The following VRK1 variants were observed in gnomAD, a reference collection of about 807,000 sequenced individuals.
VRK1 encodes serine/threonine-protein kinase VRK1.
VRK1 carries 33 observed loss-of-function variants against 57.1 expected under a neutral mutation model. That is an observed-to-expected ratio of 0.58 (90% CI 0.44 to 0.77). The LOEUF is 0.77. Among genes scored for constraint, VRK1 ranks in the 30% least tolerant of loss-of-function variants. VRK1 has a pLI of 0.00. For missense variants in VRK1, 413 were observed against 477.3 expected (o/e 0.87, Z 1.25); for synonymous variants, 137 against 147.8 (o/e 0.93, Z 0.53).
rs889307864 is a variant in VRK1 at position 96,881,518 on chromosome 14, T to A, written c.*310T>A. On this transcript the variant is annotated 3_prime_UTR_variant, in exon 13 of 13. Transcript: ENST00000216639. ...CGCACTTTTCTAATCATTGTACATTTCTCAGAGTGGATAAAAATGTTTGAC... is the reference window on the plus strand; with the variant it reads ...CGCACTTTTCTAATCATTGTACATTACTCAGAGTGGATAAAAATGTTTGAC... 8.4e-6 allele frequency: 2 copies of A among 239,106 alleles called. No individual in the cohort carries two copies. Among genetic ancestry groups the A allele is most frequent in the African/African-American group, 4.5e-5 (2 of 44,260 alleles). 14.8% of individuals were successfully genotyped at this position (239,106 alleles called of 1,614,324 possible).
At chr14:96,865,520 A>T (rs1410478911) in intron 11 of VRK1, among the ~76,000 whole-genome samples, 1 of 152,162 alleles carries the variant, frequency 6.6e-6, no homozygotes, top group Non-Finnish European at 1.5e-5. Flanking sequence ...GAATTTACAT[A>T]CAAATTTTAG....
intron 1 of VRK1, among the ~76,000 whole-genome samples, chr14:96,825,532 A>T (rs911947927): frequency 6.6e-6 from 1 of 152,210 alleles, no homozygotes; most frequent in African/African-American, 2.4e-5. Context: ...GACATTTCTC[A>T]TATACGAGGA....
At chr14:96,833,224 G>T (rs1887076872) in intron 1 of VRK1, among the ~76,000 whole-genome samples, 1 of 152,032 alleles carries the variant, frequency 6.6e-6, no homozygotes, top group Non-Finnish European at 1.5e-5. Flanking sequence ...TATGCCATTG[G>T]ACTTAAACCT....
At chr14:96,873,273 A>T (rs574911717) in intron 11 of VRK1, among the ~76,000 whole-genome samples, 2 of 152,156 alleles carry the variant, frequency 1.3e-5, no homozygotes, top group Non-Finnish European at 2.9e-5. Flanking sequence ...CAGGTCTCCA[A>T]TCGGTGTTTA....
chr14:96,881,015 T>C (rs1889238354), intron 12 of VRK1, among the ~76,000 whole-genome samples, 162 bp from the exon 13 acceptor site: 1 of 152,210 alleles, frequency 6.6e-6, no homozygotes, highest in Non-Finnish European at 1.5e-5. Flanking sequence ...TTTCAGAGTA[T>C]TAGCAATCAT....
chr14:96,875,957 CAA>C (rs904400849), intron 11 of VRK1, 71 bp from the exon 12 acceptor site: 19 of 1,496,564 alleles, frequency 1.3e-5, no homozygotes, highest in African/African-American at 9.7e-5. Flanking sequence ...CACACACAGA[CAA>C]ATATGTGATG....
chr14:96,834,546 C>G (rs1361953021), intron 2 of VRK1, among the ~76,000 whole-genome samples: 1 of 152,158 alleles, frequency 6.6e-6, no homozygotes, highest in African/African-American at 2.4e-5. Flanking sequence ...GGTAAAAGAT[C>G]ACTGGTCTTA....
intron 1 of VRK1, among the ~76,000 whole-genome samples, chr14:96,803,627 T>C (rs893823476): frequency 3.9e-5 from 6 of 152,268 alleles, no homozygotes; most frequent in African/African-American, 1.4e-4. Flanking sequence ...CTCTCCACCA[T>C]TTAAGGTATC....
In VRK1 at chr14:96,877,402, G is replaced by A. The variant is rs1889084261; in HGVS notation, c.1159+1282G>A. The stretch of plus-strand genomic sequence containing the variant: ...GAATATATAACTTCACACTGAAGGC[G>A]AGAGGTTTTGAAGTAGTCCCTCTCT... On this transcript the variant is annotated intron_variant, in intron 12 of 12. Coordinates refer to ENST00000216639, the MANE Select transcript of VRK1 (RefSeq NM_003384.3). 5 of 828,802 alleles carry A rather than the reference G, an allele frequency of 6.0e-6. No homozygotes were observed. In the East Asian group the frequency reaches 2.5e-4, roughly 42 times the overall value. The allele number at this position is 828,802 out of a possible 1,614,324, so 51.3% of individuals were successfully genotyped here.
rs112528315 is a variant in VRK1, at chr14:96,809,384, C to G, written c.-6+11937C>G. Among the ~76,000 whole-genome samples, 766 of 152,158 alleles carry G rather than the reference C, an allele frequency of 5.0e-3. 7 individuals carry two copies. Among genetic ancestry groups the G allele is most frequent in the African/African-American group, 0.017 (705 of 41,498 alleles). ...ACATAGCAAAATTCATTTATTCATTCCATTTTAGGTATTTGAATAGTTTCT... is the reference window on the plus strand; with the variant it reads ...ACATAGCAAAATTCATTTATTCATTGCATTTTAGGTATTTGAATAGTTTCT... On this transcript the variant is annotated intron_variant, in intron 1 of 12. Coordinates refer to ENST00000216639, the MANE Select transcript of VRK1 (RefSeq NM_003384.3).
intron 1 of VRK1, among the ~76,000 whole-genome samples, chr14:96,820,163 A>C (rs1232463578): frequency 6.6e-6 from 1 of 151,738 alleles, no homozygotes; most frequent in African/African-American, 2.4e-5. Flanking sequence ...TTTCATCACT[A>C]TCCGATCGAG....
At chr14:96,870,771 T>G (rs557035119) in intron 11 of VRK1, among the ~76,000 whole-genome samples, 18 of 152,214 alleles carry the variant, frequency 1.2e-4, no homozygotes, top group Admixed American at 1.3e-4. Flanking sequence ...CTCTTGTAGA[T>G]CATGTAATCA....
chr14:96,828,598 A>G (rs9323955), intron 1 of VRK1, among the ~76,000 whole-genome samples: 69,344 of 151,994 alleles, frequency 0.46, 16,958 homozygotes, highest in Non-Finnish European at 0.55. Context: ...GATCTCGTCT[A>G]AATATCAGTC....
At chr14:96,808,980 G>C (rs1160992135) in intron 1 of VRK1, among the ~76,000 whole-genome samples, 1 of 152,206 alleles carries the variant, frequency 6.6e-6, no homozygotes, top group Non-Finnish European at 1.5e-5. Flanking sequence ...ACCTTGACTA[G>C]AACGTCTAGA....
chr14:96,824,930 G>C (rs1886745106), intron 1 of VRK1, among the ~76,000 whole-genome samples: 1 of 152,114 alleles, frequency 6.6e-6, no homozygotes, highest in African/African-American at 2.4e-5. Flanking sequence ...TGAGATTACA[G>C]GTGTGAGCCA....
intron 1 of VRK1, among the ~76,000 whole-genome samples, chr14:96,809,654 C>A (rs1404760140): frequency 6.6e-6 from 1 of 150,658 alleles, no homozygotes; most frequent in Non-Finnish European, 1.5e-5. Context: ...CTTACTGCAA[C>A]CTCTGCCTCC....
chr14:96,869,820 A>T (rs886675610), intron 11 of VRK1, among the ~76,000 whole-genome samples: 1 of 152,116 alleles, frequency 6.6e-6, no homozygotes. Context: ...TTTTGTGGAC[A>T]TAAGTTTATT....
intron 1 of VRK1, among the ~76,000 whole-genome samples, chr14:96,826,368 T>C (rs920644258): frequency 6.6e-6 from 1 of 152,222 alleles, no homozygotes; most frequent in Non-Finnish European, 1.5e-5. Flanking sequence ...CTGTTTACAA[T>C]TAAATTTTGG....
At chr14:96,802,142 C>G (rs1885687140) in intron 1 of VRK1, among the ~76,000 whole-genome samples, 1 of 152,174 alleles carries the variant, frequency 6.6e-6, no homozygotes, top group Non-Finnish European at 1.5e-5. Flanking sequence ...TAAAATTTAT[C>G]TTTCATATGT....
Sources: gnomAD v4.1 joint callset for allele counts (sites outside exome capture counted in the v4.1 genomes callset) on GRCh38, gnomAD v4.1.1 for gene constraint, MANE v1.5 for transcripts, NCBI Gene and HGNC (gene_info 2026-07-23, HGNC 2026-07-21) for gene names.